The following CEP170B variants were observed in gnomAD, a reference collection of about 807,000 sequenced individuals.
CEP170B encodes centrosomal protein of 170 kDa protein B.
Under a neutral mutation model 120.6 loss-of-function variants are expected in CEP170B, and 55 were observed. The observed-to-expected ratio is 0.46, with a 90% CI of 0.37 to 0.57. CEP170B has a LOEUF of 0.57. CEP170B is among the 20% of genes least tolerant of loss of function. The pLI is 0.00. For synonymous variants in CEP170B, 1,033 were observed against 954.5 expected (o/e 1.08, Z -1.52); for missense variants, 2,212 against 2,253.3 (o/e 0.98, Z 0.37).
chr14:104,872,421 T>TGTGC, intron 2 of CEP170B, among the ~76,000 whole-genome samples: 1 of 111,828 alleles, frequency 8.9e-6, no homozygotes, highest in South Asian at 3.5e-4. Context: ...GCCGTGGGTG[T>TGTGC]GCCGTGCGTG....
rs773258621 is a variant in CEP170B, at chr14:104,887,133, G to C, written c.2894G>C (p.Arg965Pro). 6.2e-7 allele frequency: 1 copy of C among 1,610,358 alleles called. No individual in the cohort carries two copies. The highest frequency in any genetic ancestry group is 8.5e-7 in the Non-Finnish European group (1 of 1,179,722). The change falls in exon 12 of 19, where the codon CGT (arginine) becomes CCT (proline). Residue 965 changes from arginine to proline, a missense_variant. Coordinates refer to ENST00000414716, the MANE Select transcript of CEP170B (RefSeq NM_001112726.3). ...GACACAGCCAGCACCGTCAGCCTGCGTAGTGGCAAGAGCGGGCCCAGCCCC... is the reference window on the plus strand; with the variant it reads ...GACACAGCCAGCACCGTCAGCCTGCCTAGTGGCAAGAGCGGGCCCAGCCCC... ...DVDTASTVSL[R>P]SGKSGPSPTT...
At chr14:104,864,657 C>T (rs894970760), upstream of CEP170B, among the ~76,000 whole-genome samples, 1 of 152,140 alleles carries the variant, frequency 6.6e-6, no homozygotes. The surrounding 1 kb of genome is among the most constrained non-coding windows in gnomAD (Gnocchi z 5.9). Flanking sequence ...CGATGCCCAC[C>T]ACCATCGCCC....
At chr14:104,885,669 G>A (rs1236315316) in intron 10 of CEP170B, 127 bp downstream of exon 10, 2 of 1,305,200 alleles carry the variant, frequency 1.5e-6, no homozygotes, top group African/African-American at 3.0e-5. Flanking sequence ...CACGCTCAGA[G>A]GAGGGTGGGC....
rs1897029460 is a variant in CEP170B at position 104,895,261 on chromosome 14, C to G, written c.*303C>G. On this transcript the variant is annotated 3_prime_UTR_variant, in exon 19 of 19. Transcript: ENST00000414716. ...CAAGGGCATTACCCCGCCTCCTCTT[C>G]ATCACTGTTATTTTTGTCTTTAGCT... 2.6e-6 allele frequency: 1 copy of G among 390,968 alleles called. No individual in the cohort carries two copies. Among genetic ancestry groups the G allele is most frequent in the Non-Finnish European group, 4.5e-6 (1 of 219,790 alleles). The allele number at this position is 390,968 out of a possible 1,614,324, so 24.2% of individuals were successfully genotyped here.
rs1173844196 is a variant in CEP170B at position 104,883,129 on chromosome 14, C to G, written c.672C>G (p.Ser224Arg). 7 of 1,601,270 alleles carry G rather than the reference C, an allele frequency of 4.4e-6. No homozygotes were observed. The South Asian group carries it at 6.7e-5, about 15-fold the overall frequency. ...GCTGCTCGTTCCGGCGGGAGCCCAG[C>G]TACTTCGAGATCCCCACGAAGGAGA... ...PQGCSFRREPSYFEIPTKETP... is the reference protein window; with the variant it reads ...PQGCSFRREPRYFEIPTKETP... The change falls in exon 8 of 19, where the codon AGC becomes AGG. Residue 224 changes from serine to arginine, a missense_variant. By Grantham distance (110) the Ser-to-Arg change is moderately radical. Transcript: ENST00000414716.
In CEP170B at chr14:104,883,202, A is replaced by G. The variant is rs747175805; in HGVS notation, c.745A>G (p.Thr249Ala). 1 of 1,610,642 alleles carries G rather than the reference A, an allele frequency of 6.2e-7. No individual in the cohort carries two copies. The highest frequency in any genetic ancestry group is 8.5e-7 in the Non-Finnish European group (1 of 1,179,258). Residue 249 changes from threonine (T) to alanine (A), a missense_variant, in exon 8 of 19, where the codon ACG becomes GCG. This residue lies in a region of CEP170B where 2,166 missense variants were observed against 2,166.7 expected (regional missense o/e 1.00). Coordinates refer to ENST00000414716, the MANE Select transcript of CEP170B (RefSeq NM_001112726.3). ...CGAGGTGCCGGCACACGAGATGCCC[A>G]CGAAGGATGCAGAGGCAGGTGGGGG... ...PPEVPAHEMP[T>A]KDAEAGGGGA...
In CEP170B at chr14:104,883,053, T is replaced by A; in HGVS notation, c.596T>A (p.Val199Glu). The A allele has an allele frequency of 6.5e-7, 1 of 1,538,920 alleles. No individual in the cohort carries two copies. The highest frequency in any genetic ancestry group is 8.7e-7 in the Non-Finnish European group (1 of 1,145,170). ...ACACCAGAGCGCCCCAAGGGACCAG[T>A]GCAGCAGGACGGGGAGCTCCACGGC... ...EPYPERPKGP[V>E]QQDGELHGFR... Residue 199 changes from valine to glutamate, a missense_variant, in exon 8 of 19, where the codon GTG (valine) becomes GAG (glutamate). Transcript: ENST00000414716.
At position 104,881,891 on chromosome 14, in the gene CEP170B, G is replaced by A. The variant is rs1896176077; in HGVS notation, c.473-837G>A. On this transcript the variant is annotated intron_variant, in intron 6 of 18. Coordinates refer to ENST00000414716, the MANE Select transcript of CEP170B (RefSeq NM_001112726.3). Reference sequence around the variant, plus strand: ...GCACATGGTTCCCTATGGGTAACTGGCCCCAGCGCAGTGTGCACATGGTTC... The same window carrying A: ...GCACATGGTTCCCTATGGGTAACTGACCCCAGCGCAGTGTGCACATGGTTC... Among the ~76,000 whole-genome samples, 3 of 151,936 alleles carry A rather than the reference G, an allele frequency of 2.0e-5. No individual in the cohort carries two copies. In the South Asian group the frequency reaches 6.2e-4, roughly 31 times the overall value.
intron 12 of CEP170B, chr14:104,889,384 G>A: frequency 2.1e-6 from 2 of 971,772 alleles, no homozygotes; most frequent in African/African-American, 1.6e-5. Context: ...GCTACTGGGT[G>A]GGGGCACCAG....
At chr14:104,885,345 C>T in intron 9 of CEP170B, 24 bp from the exon 10 acceptor site, 1 of 1,536,314 alleles carries the variant, frequency 6.5e-7, no homozygotes, top group South Asian at 1.2e-5. Flanking sequence ...ACCCTCGGTG[C>T]CTGGGACCAT....
chr14:104,887,987 C>G lies in CEP170B; in HGVS notation c.3739+9C>G, dbSNP rs1294503652. 2 of 1,478,774 alleles carry G rather than the reference C, an allele frequency of 1.4e-6. No individual in the cohort carries two copies. The highest frequency in any genetic ancestry group is 2.7e-5 in the South Asian group (2 of 74,914). 91.6% of individuals were successfully genotyped at this position (1,478,774 alleles called of 1,614,324 possible). ...TGCCCGATACACCTCCAGTGAGTGC[C>G]AGGGCGGGTGGGAGGCCAGGGCCAA... On this transcript the variant is annotated intron_variant, in intron 12 of 18. Coordinates refer to ENST00000414716, the MANE Select transcript of CEP170B (RefSeq NM_001112726.3).
At position 104,873,862 on chromosome 14, in the gene CEP170B, G is replaced by C. The variant is rs551110813; in HGVS notation, c.106-2394G>C. Among the ~76,000 whole-genome samples, 5 of 152,260 alleles carry C rather than the reference G, an allele frequency of 3.3e-5. No individual in the cohort carries two copies. In the East Asian group the frequency reaches 9.7e-4, roughly 29 times the overall value. Reference sequence around the variant, plus strand: ...CAGGGAGGGCCCGAGCCCGGCCCCAGGCCTCAGTGCTTCCTTTCTCTGAGA... The same window carrying C: ...CAGGGAGGGCCCGAGCCCGGCCCCACGCCTCAGTGCTTCCTTTCTCTGAGA... On this transcript the variant is annotated intron_variant, in intron 2 of 18. Coordinates refer to ENST00000414716, the MANE Select transcript of CEP170B (RefSeq NM_001112726.3).
At position 104,877,963 on chromosome 14, in the gene CEP170B, G is replaced by A. The variant is rs771018551; in HGVS notation, c.274G>A (p.Asp92Asn). The A allele has an allele frequency of 2.7e-5, 44 of 1,605,220 alleles. No homozygotes were observed. The highest frequency in any genetic ancestry group is 3.5e-5 in the Non-Finnish European group (41 of 1,176,722). The part of the protein sequence containing the change: ...KLNDVIRFGY[D>N]SNMYVLERVQ... ...CAACGATGTCATCCGCTTCGGCTAC[G>A]ATATCCTGCCCCTGAGCGTCCCTCC... The change falls in exon 4 of 19, where the codon GAT becomes AAT. Residue 92 changes from aspartate to asparagine, a missense_variant and splice_region_variant. This residue lies in a region of CEP170B where 2,166 missense variants were observed against 2,166.7 expected (regional missense o/e 1.00). Transcript: ENST00000414716.
At chr14:104,872,424 C>CGTGT (rs1895601043) in intron 2 of CEP170B, among the ~76,000 whole-genome samples, 4 of 53,372 alleles carry the variant, frequency 7.5e-5, no homozygotes, top group South Asian at 6.2e-4. Flanking sequence ...GTGGGTGTGC[C>CGTGT]GTGCGTGTGT....
chr14:104,876,816 G>A (rs941887098), intron 3 of CEP170B, among the ~76,000 whole-genome samples: 1 of 152,252 alleles, frequency 6.6e-6, no homozygotes, highest in African/African-American at 2.4e-5. Flanking sequence ...CTGGGTATGG[G>A]TGGAGCCATG....
chr14:104,866,686 T>C (rs950902773), intron 1 of CEP170B, among the ~76,000 whole-genome samples: 8 of 152,166 alleles, frequency 5.3e-5, no homozygotes, highest in African/African-American at 1.9e-4. Context: ...TGGGCATTCA[T>C]GCTAGCTGGA....
intron 4 of CEP170B, among the ~76,000 whole-genome samples, chr14:104,878,200 C>A (rs1895963330): frequency 6.6e-6 from 1 of 152,074 alleles, no homozygotes; most frequent in South Asian, 2.1e-4. Flanking sequence ...TGCCCACCCA[C>A]CCAGCCTGAG....
At chr14:104,881,173 G>A (rs1005710665) in intron 6 of CEP170B, among the ~76,000 whole-genome samples, 4 of 152,154 alleles carry the variant, frequency 2.6e-5, no homozygotes, top group African/African-American at 7.2e-5. Context: ...TCAGTGCAGC[G>A]GGTAGGCAGA....
chr14:104,881,948 C>T lies in CEP170B; in HGVS notation c.473-780C>T, dbSNP rs569357517. The stretch of plus-strand genomic sequence containing the variant: ...GGTGACTGGCCCCAGACCCTCTGGC[C>T]CCCCAGCAGTGTAAGCAGCTGGGGG... On this transcript the variant is annotated intron_variant, in intron 6 of 18. Transcript: ENST00000414716. Among the ~76,000 whole-genome samples the T allele has an allele frequency of 7.2e-5, 11 of 152,222 alleles. No individual in the cohort carries two copies. The South Asian group carries it at 1.2e-3, about 17-fold the overall frequency.
Sources: allele counts gnomAD v4.1 joint callset (sites outside exome capture counted in the v4.1 genomes callset), GRCh38; gene constraint gnomAD v4.1.1; regional missense constraint gnomAD v4.1.1; non-coding constraint Gnocchi (gnomAD v3.1); transcripts MANE v1.5; gene names NCBI Gene and HGNC (gene_info 2026-07-23, HGNC 2026-07-21).